The following ZMYND12 variants were observed in gnomAD, a reference collection of about 807,000 sequenced individuals.
The protein encoded by ZMYND12 is zinc finger MYND-type containing 12, also known as zinc finger MYND domain-containing protein 12.
ZMYND12 carries 32 observed loss-of-function variants against 41.7 expected under a neutral mutation model. That is an observed-to-expected ratio of 0.77 (90% CI 0.58 to 1.03). ZMYND12 has a LOEUF of 1.03. Ranked by LOEUF, ZMYND12 falls within the 50% of genes least tolerant of loss-of-function variation. The pLI is 0.00. For synonymous variants in ZMYND12, 148 were observed against 164.8 expected, an observed-to-expected ratio of 0.90 and a Z score of 0.78; for missense variants, 424 against 438.5, an observed-to-expected ratio of 0.97 and a Z score of 0.30.
intron 1 of ZMYND12, among the ~76,000 whole-genome samples, chr1:42,451,818 A>G (rs1326280732): frequency 6.6e-6 from 1 of 152,226 alleles, no homozygotes; most frequent in African/African-American, 2.4e-5. Flanking sequence ...GCTTGTAAGC[A>G]ATGGAAATGT....
chr1:42,435,835 C>T (rs1033466723), intron 5 of ZMYND12, among the ~76,000 whole-genome samples: 1 of 152,298 alleles, frequency 6.6e-6, no homozygotes, highest in Middle Eastern at 3.4e-3. Flanking sequence ...TTTTAAACTA[C>T]AGCAAAATGC....
In ZMYND12 at chr1:42,435,310, A is replaced by C; in HGVS notation, c.793T>G (p.Leu265Val). ...TCATTCTCAAATAGTTTGCCCAGTA[A>C]ATCCATTTGTTGGATGTGAGCCTGT... Reference protein sequence around the residue: ...LSQAHIQQMDLLGKLFENDTG... With the variant: ...LSQAHIQQMDVLGKLFENDTG... The change falls in exon 6 of 8, where the codon TTA becomes GTA. Residue 265 changes from leucine to valine, a missense_variant. By Grantham distance (32) the Leu-to-Val change is conservative. Transcript: ENST00000372565. The C allele has an allele frequency of 6.2e-7, 1 of 1,614,092 alleles. No individual in the cohort carries two copies. The highest frequency in any genetic ancestry group is 8.5e-7 in the Non-Finnish European group (1 of 1,179,966).
chr1:42,442,451 T>C (rs907942594), intron 3 of ZMYND12, among the ~76,000 whole-genome samples: 2 of 152,248 alleles, frequency 1.3e-5, no homozygotes, highest in African/African-American at 4.8e-5. Context: ...AATATTTAGA[T>C]ACTCTTGACA....
At chr1:42,455,143 T>C (rs1643142136) in intron 1 of ZMYND12, among the ~76,000 whole-genome samples, 1 of 152,218 alleles carries the variant, frequency 6.6e-6, no homozygotes, top group African/African-American at 2.4e-5. Flanking sequence ...CAAACTCTGT[T>C]CTTTTGCCAT....
At chr1:42,453,017 C>CCCG (rs1275896496) in intron 1 of ZMYND12, among the ~76,000 whole-genome samples, 5 of 151,160 alleles carry the variant, frequency 3.3e-5, no homozygotes, top group Non-Finnish European at 5.9e-5. Flanking sequence ...TTCAGACTGA[C>CCCG]TTTCTTGTTC....
At chr1:42,432,181 C>T (rs1420812933) in intron 7 of ZMYND12, among the ~76,000 whole-genome samples, 2 of 151,744 alleles carry the variant, frequency 1.3e-5, no homozygotes, top group African/African-American at 4.8e-5. Flanking sequence ...CTCAGCCTCC[C>T]GAGTGGCTGG....
chr1:42,433,975 A>G (rs1332592224), intron 6 of ZMYND12, among the ~76,000 whole-genome samples: 4 of 152,232 alleles, frequency 2.6e-5, no homozygotes, highest in African/African-American at 9.6e-5. Context: ...CAGCTATAAC[A>G]TGAACTATTT....
chr1:42,432,778 G>A, intron 7 of ZMYND12: 1 of 198,476 alleles, frequency 5.0e-6, no homozygotes, highest in South Asian at 1.2e-4. Flanking sequence ...ATCATTTCAT[G>A]GCAATGCATT....
At chr1:42,441,954 T>C (rs538138383) in intron 3 of ZMYND12, among the ~76,000 whole-genome samples, 1 of 152,320 alleles carries the variant, frequency 6.6e-6, no homozygotes, top group South Asian at 2.1e-4. Flanking sequence ...TTAATCATTG[T>C]ATTATTTTTA....
chr1:42,435,760 C>T (rs1642899334), intron 5 of ZMYND12, among the ~76,000 whole-genome samples: 1 of 152,216 alleles, frequency 6.6e-6, no homozygotes, highest in Admixed American at 6.5e-5. Context: ...TCACACACGA[C>T]TTCTGGTAAG....
At chr1:42,447,509 C>T (rs958313174) in intron 3 of ZMYND12, among the ~76,000 whole-genome samples, 2 of 152,238 alleles carry the variant, frequency 1.3e-5, no homozygotes, top group South Asian at 2.1e-4. Context: ...TGGGAAAATT[C>T]GAGAAACTTG....
chr1:42,446,219 A>G (rs1291118165), intron 3 of ZMYND12, among the ~76,000 whole-genome samples: 1 of 152,224 alleles, frequency 6.6e-6, no homozygotes, highest in Non-Finnish European at 1.5e-5. Flanking sequence ...ACTCATTAAT[A>G]TGTAAATAAA....
intron 1 of ZMYND12, among the ~76,000 whole-genome samples, chr1:42,450,365 A>G (rs11806264): frequency 0.39 from 59,096 of 152,022 alleles, 11,992 homozygotes; most frequent in East Asian, 0.59. Context: ...TTATTTCTGC[A>G]AGGTTGGTAG....
At chr1:42,434,267 A>C (rs1642883515) in intron 6 of ZMYND12, among the ~76,000 whole-genome samples, 1 of 152,182 alleles carries the variant, frequency 6.6e-6, no homozygotes, top group South Asian at 2.1e-4. Flanking sequence ...ACTATTCAAC[A>C]CTTAGCCCTT....
intron 7 of ZMYND12, among the ~76,000 whole-genome samples, chr1:42,431,562 G>A (rs1642849678): frequency 6.6e-6 from 1 of 152,200 alleles, no homozygotes; most frequent in South Asian, 2.1e-4. Flanking sequence ...GCTGAGTCAA[G>A]TGAAGGCCTG....
chr1:42,455,512 G>A (rs903782533), intron 1 of ZMYND12, among the ~76,000 whole-genome samples: 2 of 152,194 alleles, frequency 1.3e-5, no homozygotes, highest in Non-Finnish European at 2.9e-5. Context: ...GACCTCAGGC[G>A]ATCCGCCCGC....
intron 7 of ZMYND12, chr1:42,432,923 A>G: frequency 1.9e-6 from 1 of 530,894 alleles, no homozygotes; most frequent in South Asian, 2.5e-5. Flanking sequence ...CTCTTTATCT[A>G]TGCAAGACTG....
At chr1:42,453,998 G>T (rs550891881) in intron 1 of ZMYND12, among the ~76,000 whole-genome samples, 1 of 152,174 alleles carries the variant, frequency 6.6e-6, no homozygotes, top group African/African-American at 2.4e-5. Flanking sequence ...AGAGAGAAAA[G>T]TATGACGGGG....
At chr1:42,442,905 C>T (rs949071394) in intron 3 of ZMYND12, among the ~76,000 whole-genome samples, 1 of 152,150 alleles carries the variant, frequency 6.6e-6, no homozygotes, top group Non-Finnish European at 1.5e-5. Context: ...CTGATCCTGG[C>T]TCATGTGAAC....
Sources: allele counts gnomAD v4.1 joint callset (sites outside exome capture counted in the v4.1 genomes callset), GRCh38; gene constraint gnomAD v4.1.1; transcripts MANE v1.5; gene names NCBI Gene and HGNC (gene_info 2026-07-23, HGNC 2026-07-21).